Variants in TMCC1 observed in about 807,000 individuals in gnomAD.
TMCC1 encodes transmembrane and coiled-coil domain family 1.
A neutral mutation model predicts 52.4 loss-of-function variants in TMCC1; 15 were observed. The observed-to-expected ratio is 0.29, with a 90% CI of 0.19 to 0.44. The LOEUF is 0.44. TMCC1 is among the 20% of genes least tolerant of loss of function. TMCC1 has a pLI of 1.00. For synonymous variants in TMCC1, 279 were observed against 301.9 expected (o/e 0.92, Z 0.79); for missense variants, 503 against 806.0 (o/e 0.62, Z 4.55).
intron 4 of TMCC1, among the ~76,000 whole-genome samples, chr3:129,764,746 T>TGTGTGTGC (rs1326774990): frequency 6.5e-4 from 3 of 4,636 alleles, no homozygotes; most frequent in Non-Finnish European, 1.7e-3. Context: ...TGTGTGTGTG[T>TGTGTGTGC]GTGTGTGTGT....
chr3:129,697,187 G>A (rs1372867611), intron 4 of TMCC1, among the ~76,000 whole-genome samples: 1 of 152,202 alleles, frequency 6.6e-6, no homozygotes, highest in Non-Finnish European at 1.5e-5. Flanking sequence ...ACTTTTGCCT[G>A]GACATCCAGG....
chr3:129,848,906 C>A (rs569319430), intron 2 of TMCC1, among the ~76,000 whole-genome samples: 1 of 151,924 alleles, frequency 6.6e-6, no homozygotes, highest in Non-Finnish European at 1.5e-5. Context: ...CGCTCCTCTA[C>A]TAATTGTTGG....
intron 2 of TMCC1, among the ~76,000 whole-genome samples, chr3:129,835,162 C>G (rs559713979): frequency 6.6e-6 from 1 of 152,164 alleles, no homozygotes; most frequent in African/African-American, 2.4e-5. Flanking sequence ...CCCAAGAAAG[C>G]TTCTCCCTCT....
chr3:129,879,541 A>G (rs2061370735), intron 2 of TMCC1, among the ~76,000 whole-genome samples: 1 of 152,240 alleles, frequency 6.6e-6, no homozygotes, highest in African/African-American at 2.4e-5. Flanking sequence ...TACATTGATA[A>G]AAATCTTTCA....
At chr3:129,776,288 G>T (rs190925706) in intron 4 of TMCC1, among the ~76,000 whole-genome samples, 312 of 152,284 alleles carry the variant, frequency 2.0e-3, no homozygotes, top group Non-Finnish European at 3.4e-3. Flanking sequence ...TACACTTTAT[G>T]TAAATAGCAT....
chr3:129,831,479 C>CTTA (rs2058910161), intron 3 of TMCC1, among the ~76,000 whole-genome samples: 1 of 152,134 alleles, frequency 6.6e-6, no homozygotes, highest in Non-Finnish European at 1.5e-5. Flanking sequence ...CTTTAAACAT[C>CTTA]AAGTTTTAAG....
intron 4 of TMCC1, among the ~76,000 whole-genome samples, chr3:129,795,459 A>AC (rs202147673): frequency 1.6e-4 from 1 of 6,254 alleles, no homozygotes; most frequent in East Asian, 0.017. Flanking sequence ...TCATTCGTAT[A>AC]TTTTTTTTCC....
intron 4 of TMCC1, among the ~76,000 whole-genome samples, chr3:129,769,444 G>A (rs1426182734): frequency 1.3e-5 from 2 of 151,982 alleles, no homozygotes; most frequent in African/African-American, 4.8e-5. Context: ...TGGCCAGGCT[G>A]GTCTCGAACT....
At chr3:129,756,808 G>A (rs2053055523) in intron 4 of TMCC1, among the ~76,000 whole-genome samples, 1 of 152,170 alleles carries the variant, frequency 6.6e-6, no homozygotes, top group Admixed American at 6.5e-5. Context: ...CTATAGTGAT[G>A]GAAAATGATT....
intron 4 of TMCC1, among the ~76,000 whole-genome samples, chr3:129,680,646 A>G (rs563205048): frequency 6.6e-6 from 1 of 152,320 alleles, no homozygotes; most frequent in South Asian, 2.1e-4. Context: ...CACGCCTCTA[A>G]TCCCAGCACT....
chr3:129,720,725 C>T (rs1305601616), intron 4 of TMCC1, among the ~76,000 whole-genome samples: 2 of 152,084 alleles, frequency 1.3e-5, no homozygotes, highest in Admixed American at 1.3e-4. Flanking sequence ...AAGACAGTCT[C>T]ACTCTGTCAC....
chr3:129,692,942 A>G lies in TMCC1; in HGVS notation c.577-21678T>C, dbSNP rs559072123. Among the ~76,000 whole-genome samples, 4 of 152,264 alleles carry G rather than the reference A, an allele frequency of 2.6e-5. No homozygotes were observed. The South Asian group carries it at 6.2e-4, about 24-fold the overall frequency. On this transcript the variant is annotated intron_variant, in intron 4 of 6. Transcript: ENST00000393238. ...ACTGCAATGTCCATCTCCCGGGCTC[A>G]AGTGATCCTCCTACCTCAGCCTCTC... is the stretch of plus-strand genomic sequence containing the variant.
chr3:129,653,835 TA>T (rs141844889), intron 6 of TMCC1, among the ~76,000 whole-genome samples: 1 of 152,168 alleles, frequency 6.6e-6, no homozygotes, highest in African/African-American at 2.4e-5. Flanking sequence ...GCTCAATTAC[TA>T]AAAAAACTTG....
chr3:129,746,974 T>G (rs6783506), intron 4 of TMCC1, among the ~76,000 whole-genome samples: 14,038 of 152,210 alleles, frequency 0.092, 2,113 homozygotes, highest in African/African-American at 0.32. Flanking sequence ...AGGATAATAA[T>G]TACTTTGTAT....
At chr3:129,875,627 G>C (rs1280436133) in intron 2 of TMCC1, among the ~76,000 whole-genome samples, 4 of 151,278 alleles carry the variant, frequency 2.6e-5, no homozygotes, top group Non-Finnish European at 4.4e-5. Flanking sequence ...CATTAGGGTA[G>C]AAACTTTTAT....
At chr3:129,796,444 G>A (rs1017694810) in intron 4 of TMCC1, among the ~76,000 whole-genome samples, 1 of 152,160 alleles carries the variant, frequency 6.6e-6, no homozygotes, top group Non-Finnish European at 1.5e-5. Flanking sequence ...TCCACTGGGG[G>A]TCATGGAACA....
intron 2 of TMCC1, among the ~76,000 whole-genome samples, chr3:129,853,059 C>T (rs372127395): frequency 1.0e-3 from 159 of 152,260 alleles, no homozygotes; most frequent in African/African-American, 3.4e-3. Context: ...AGCACTACAA[C>T]TACTGATTCA....
chr3:129,740,244 A>G (rs1449798415), intron 4 of TMCC1, among the ~76,000 whole-genome samples: 2 of 152,220 alleles, frequency 1.3e-5, no homozygotes, highest in African/African-American at 4.8e-5. Flanking sequence ...AATCACTATG[A>G]ATTTCTATGC....
intron 2 of TMCC1, among the ~76,000 whole-genome samples, chr3:129,854,398 G>GAAAAAAAGA (rs1553892219): frequency 4.1e-5 from 6 of 146,752 alleles, no homozygotes; most frequent in Non-Finnish European, 9.0e-5. Flanking sequence ...AAAAAAAAAA[G>GAAAAAAAGA]AAAAAAAAAA....
Sources: allele counts gnomAD v4.1 joint callset (sites outside exome capture counted in the v4.1 genomes callset), GRCh38; gene constraint gnomAD v4.1.1; transcripts MANE v1.5; gene names NCBI Gene and HGNC (gene_info 2026-07-23, HGNC 2026-07-21).